Variants in ZNF331 observed in about 807,000 individuals in gnomAD.
ZNF331 encodes the protein C2H2-like zinc finger protein rearranged in thyroid adenomas.
A neutral mutation model predicts 7.0 loss-of-function variants in ZNF331; 2 were observed. The ratio of observed to expected loss-of-function variants is 0.29; its 90% CI spans 0.12 to 0.90. The LOEUF is 0.90. Ranked by LOEUF, ZNF331 falls within the 40% of genes least tolerant of loss-of-function variation. The probability of loss-of-function intolerance (pLI) is 0.58; values close to 1 mark genes in which losing one functional copy is unlikely to be tolerated. For synonymous variants in ZNF331, 196 were observed against 205.4 expected (o/e 0.95, Z 0.39); for missense variants, 432 against 587.7 (o/e 0.74, Z 2.74).
chr19:53,569,234 A>G, intron 3 of ZNF331, 70 bp from the exon 4 acceptor site: 3 of 784,724 alleles, frequency 3.8e-6, no homozygotes, highest in Admixed American at 2.3e-5. Context: ...AGAGGAGCCA[A>G]AAGGTCATAT....
intron 2 of ZNF331, among the ~76,000 whole-genome samples, chr19:53,553,147 A>G (rs1175072523): frequency 2.0e-5 from 3 of 152,186 alleles, no homozygotes; most frequent in Non-Finnish European, 2.9e-5. Context: ...ATTATATAAC[A>G]GACTAATTTA....
At position 53,578,119 on chromosome 19, in the gene ZNF331, C is replaced by T. The variant is rs1013846215; in HGVS notation, c.*167C>T. On this transcript the variant is annotated 3_prime_UTR_variant, in exon 6 of 6. Transcript: ENST00000449416. ...CTGAGTAGCGTGATGAAATCTCTCGCTGTCCGGCTCCAGCCGGCCGGGGAT... is the reference window on the plus strand; with the variant it reads ...CTGAGTAGCGTGATGAAATCTCTCGTTGTCCGGCTCCAGCCGGCCGGGGAT... The T allele has an allele frequency of 5.3e-6, 5 of 941,304 alleles. No individual in the cohort carries two copies. Among genetic ancestry groups the T allele is most frequent in the Non-Finnish European group, 7.6e-6 (5 of 654,960 alleles). 58.3% of individuals were successfully genotyped at this position (941,304 alleles called of 1,614,324 possible).
At chr19:53,568,129 G>C (rs1376660194) in intron 3 of ZNF331, among the ~76,000 whole-genome samples, 1 of 151,620 alleles carries the variant, frequency 6.6e-6, no homozygotes, top group Non-Finnish European at 1.5e-5. Flanking sequence ...TGTGCCTATA[G>C]TCCCAGCTAC....
At chr19:53,516,560 T>C (rs1319378120), upstream of ZNF331, among the ~76,000 whole-genome samples, 1 of 152,182 alleles carries the variant, frequency 6.6e-6, no homozygotes, top group East Asian at 1.9e-4. Flanking sequence ...TGAGTCAACC[T>C]TTCTTGTTCA....
chr19:53,507,065 C>A, the ZNF331 span, among the ~76,000 whole-genome samples: 1 of 152,136 alleles, frequency 6.6e-6, no homozygotes, highest in African/African-American at 2.4e-5. Context: ...GAAATGCAGC[C>A]TTCTGTTTTC....
At chr19:53,517,931 G>A (rs1003980311), upstream of ZNF331, among the ~76,000 whole-genome samples, 3 of 152,308 alleles carry the variant, frequency 2.0e-5, no homozygotes, top group East Asian at 3.9e-4. Flanking sequence ...GCCGCCTGGA[G>A]TTCCCAAAGA....
chr19:53,548,418 G>T (rs879370990), intron 2 of ZNF331, among the ~76,000 whole-genome samples: 1 of 151,946 alleles, frequency 6.6e-6, no homozygotes, highest in Non-Finnish European at 1.5e-5. Context: ...GCCAATGCCC[G>T]ACTAATTTTT....
intron 2 of ZNF331, among the ~76,000 whole-genome samples, chr19:53,527,975 T>C (rs16984965): frequency 0.082 from 12,511 of 152,258 alleles, 589 homozygotes; most frequent in Non-Finnish European, 0.11. Flanking sequence ...CATGATTATA[T>C]GTACAAGTAA....
At chr19:53,518,858 ACGGT>A (rs1299466841), upstream of ZNF331, among the ~76,000 whole-genome samples, 1 of 152,246 alleles carries the variant, frequency 6.6e-6, no homozygotes, top group Non-Finnish European at 1.5e-5. Flanking sequence ...TGACAGCAGG[ACGGT>A]TGCAGTTAAG....
chr19:53,513,710 G>A, the ZNF331 span, among the ~76,000 whole-genome samples: 2 of 152,192 alleles, frequency 1.3e-5, no homozygotes, highest in Non-Finnish European at 2.9e-5. Flanking sequence ...GGAGTGCGAT[G>A]GCACGATCTC....
chr19:53,542,170 C>T (rs1017206286), intron 2 of ZNF331, among the ~76,000 whole-genome samples: 6 of 152,156 alleles, frequency 3.9e-5, no homozygotes, highest in Non-Finnish European at 8.8e-5. Flanking sequence ...CCAACCCAGC[C>T]ATGAGTCGCA....
intron 2 of ZNF331, among the ~76,000 whole-genome samples, chr19:53,554,225 G>A (rs977231564): frequency 2.6e-5 from 4 of 152,232 alleles, no homozygotes; most frequent in Admixed American, 2.6e-4. Flanking sequence ...GGCCAAAGAA[G>A]GAAGGAGTGG....
At chr19:53,508,797 C>T in the ZNF331 span, among the ~76,000 whole-genome samples, 3 of 152,104 alleles carry the variant, frequency 2.0e-5, no homozygotes, top group South Asian at 6.2e-4. Context: ...AAGTTTTATA[C>T]AAAAATCTTT....
At chr19:53,507,997 C>G in the ZNF331 span, among the ~76,000 whole-genome samples, 1 of 152,180 alleles carries the variant, frequency 6.6e-6, no homozygotes, top group Non-Finnish European at 1.5e-5. Context: ...TGTTCATCCC[C>G]ATTCAAACTA....
chr19:53,553,491 A>G (rs1647037811), intron 2 of ZNF331, among the ~76,000 whole-genome samples: 2 of 152,138 alleles, frequency 1.3e-5, no homozygotes. Flanking sequence ...TAAAAGAAAA[A>G]CTTTCCCACA....
chr19:53,525,085 T>C (rs1466778292), intron 2 of ZNF331, among the ~76,000 whole-genome samples: 1 of 152,116 alleles, frequency 6.6e-6, no homozygotes, highest in East Asian at 1.9e-4. Flanking sequence ...AGATGTGTGG[T>C]GTTATTTCTG....
At chr19:53,575,220 T>A (rs2090651411) in intron 5 of ZNF331, among the ~76,000 whole-genome samples, 1 of 152,118 alleles carries the variant, frequency 6.6e-6, no homozygotes, top group Non-Finnish European at 1.5e-5. Context: ...ATTACAGGCG[T>A]GAGCCACTGC....
At chr19:53,517,779 G>A (rs1429418793), upstream of ZNF331, among the ~76,000 whole-genome samples, 1 of 152,198 alleles carries the variant, frequency 6.6e-6, no homozygotes, top group Non-Finnish European at 1.5e-5. Flanking sequence ...GAAGCCAACA[G>A]TGCAGCCTTC....
rs2089605288 is a variant in ZNF331, at chr19:53,558,900, CTA to C, written c.-74+2995_-74+2996del. Among the ~76,000 whole-genome samples the C allele has an allele frequency of 1.9e-5, 1 of 53,030 alleles. No individual in the cohort carries two copies. The highest frequency in any genetic ancestry group is 2.6e-4 in the African/African-American group (1 of 3,802). The allele number at this position is 53,030 out of a possible 152,430, so 34.8% of individuals were successfully genotyped here. ...CCCATATATACACACATATACACAC[CTA>C]TACACACCTACATATATACACACAC... is the stretch of plus-strand genomic sequence containing the variant. On this transcript the variant is annotated intron_variant, in intron 3 of 5. Coordinates refer to ENST00000449416, the MANE Select transcript of ZNF331 (RefSeq NM_001079906.2). The surrounding 1 kb of genome is among the most constrained non-coding windows in gnomAD (Gnocchi z 4.5).
Sources: gnomAD v4.1 joint callset for allele counts (sites outside exome capture counted in the v4.1 genomes callset) on GRCh38, gnomAD v4.1.1 for gene constraint, Gnocchi (gnomAD v3.1) non-coding constraint, MANE v1.5 for transcripts, NCBI Gene and HGNC (gene_info 2026-07-23, HGNC 2026-07-21) for gene names.